The following ICA1L variants were observed in gnomAD, a reference collection of about 807,000 sequenced individuals.
ICA1L encodes the protein islet cell autoantigen 1 like, also known as islet cell autoantigen 1-like protein.
In ICA1L, 50 loss-of-function variants were observed where a neutral mutation model predicts 61.3. The observed-to-expected ratio is 0.82, with a 90% confidence interval of 0.65 to 1.03. ICA1L has a LOEUF of 1.03. Ranked by LOEUF, ICA1L falls within the 50% of genes least tolerant of loss-of-function variation. The pLI is 0.00. For missense variants in ICA1L, 508 were observed against 556.7 expected, an observed-to-expected ratio of 0.91 and a Z score of 0.88; for synonymous variants, 161 against 191.3, an observed-to-expected ratio of 0.84 and a Z score of 1.31.
chr2:202,779,289 T>C lies in ICA1L; in HGVS notation c.*244A>G, dbSNP rs977955570. 1.1e-5 allele frequency: 4 copies of C among 380,194 alleles called. No individual in the cohort carries two copies. Among genetic ancestry groups the C allele is most frequent in the African/African-American group, 4.1e-5 (2 of 48,254 alleles). 23.6% of individuals were successfully genotyped at this position (380,194 alleles called of 1,614,324 possible). On this transcript the variant is annotated 3_prime_UTR_variant, in exon 13 of 13. Coordinates refer to ENST00000358299, the MANE Select transcript of ICA1L (RefSeq NM_001288622.3). ...TAAATATCGCAAACTCTGTAGTTTC[T>C]AATATTTTCCACATAGAAGTTTCTA...
intron 1 of ICA1L, among the ~76,000 whole-genome samples, chr2:202,845,013 T>C (rs1276086424): frequency 2.6e-5 from 4 of 152,184 alleles, no homozygotes; most frequent in African/African-American, 7.2e-5. Context: ...CAGCATAGCA[T>C]CTTCTAATCT....
Position 202,798,555 on chromosome 2 carries a change from C to T in ICA1L, c.911-1591G>A, listed in dbSNP as rs190213944. Among the ~76,000 whole-genome samples, 63 of 152,232 alleles carry T rather than the reference C, an allele frequency of 4.1e-4. No homozygotes were observed. The East Asian group carries it at 0.012, about 28-fold the overall frequency. On this transcript the variant is annotated intron_variant, in intron 9 of 12. Transcript: ENST00000358299. ...CATACCTGGACAAGGATATGGTTTACTGTTAATAATTTGTACATATTTGTG... is the reference window on the plus strand; with the variant it reads ...CATACCTGGACAAGGATATGGTTTATTGTTAATAATTTGTACATATTTGTG...
intron 1 of ICA1L, chr2:202,841,278 A>G (rs1186393608): frequency 6.8e-6 from 5 of 740,400 alleles, no homozygotes; most frequent in Non-Finnish European, 1.2e-5. Flanking sequence ...CAGCCCTGGC[A>G]TGTTGCCAAG....
intron 10 of ICA1L, among the ~76,000 whole-genome samples, chr2:202,795,048 T>A (rs1692881800): frequency 6.8e-6 from 1 of 146,106 alleles, no homozygotes. Flanking sequence ...TACCAGATAC[T>A]AAAACTACAA....
At chr2:202,816,100 A>G (rs559935171) in intron 6 of ICA1L, 91 bp from the exon 7 acceptor site, 2 of 718,608 alleles carry the variant, frequency 2.8e-6, no homozygotes, top group Non-Finnish European at 4.3e-6. Flanking sequence ...GTAGATGAAC[A>G]GTTGCCAAAA....
chr2:202,786,137 A>G (rs1692571535), intron 11 of ICA1L, 130 bp from the exon 12 acceptor site: 1 of 524,252 alleles, frequency 1.9e-6, no homozygotes, highest in Admixed American at 3.6e-5. Flanking sequence ...AGAGGTATAA[A>G]ATACTGAAAA....
intron 1 of ICA1L, among the ~76,000 whole-genome samples, chr2:202,859,167 C>T (rs1468702701): frequency 1.3e-5 from 2 of 152,144 alleles, no homozygotes; most frequent in Non-Finnish European, 2.9e-5. Context: ...AAAGACAAAC[C>T]AACAAGTGAC....
At chr2:202,852,835 A>ATTT (rs1694667524) in intron 1 of ICA1L, among the ~76,000 whole-genome samples, 1 of 150,478 alleles carries the variant, frequency 6.6e-6, no homozygotes, top group Admixed American at 6.6e-5. Flanking sequence ...GAAAATGCTC[A>ATTT]TCATCACTGG....
At chr2:202,805,242 T>G (rs1418861663) in intron 9 of ICA1L, among the ~76,000 whole-genome samples, 1 of 152,158 alleles carries the variant, frequency 6.6e-6, no homozygotes, top group Non-Finnish European at 1.5e-5. Flanking sequence ...GAGAGCTTAC[T>G]GAGGGGATGA....
Position 202,774,123 on chromosome 2 carries a change from A to G in ICA1L, c.*5410T>C. ...TCAATGATTGGATAAGCTATTCTCA[A>G]CTCTTCATTAATCAATTCATTTGTT... is the stretch of plus-strand genomic sequence containing the variant. On this transcript the variant is annotated 3_prime_UTR_variant, in exon 13 of 13. Transcript: ENST00000358299. 2 of 1,338,326 alleles carry G rather than the reference A, an allele frequency of 1.5e-6. No individual in the cohort carries two copies. Among genetic ancestry groups the G allele is most frequent in the South Asian group, 2.5e-5 (2 of 78,974 alleles). 82.9% of individuals were successfully genotyped at this position (1,338,326 alleles called of 1,614,324 possible).
intron 1 of ICA1L, 130 bp downstream of exon 1, chr2:202,871,489 G>C (rs758635023): frequency 6.6e-6 from 1 of 152,072 alleles, no homozygotes; most frequent in Non-Finnish European, 1.5e-5. Flanking sequence ...CCGCGCGCGC[G>C]CGCGTGTGGC....
At chr2:202,822,980 A>T (rs1182480336) in intron 3 of ICA1L, among the ~76,000 whole-genome samples, 1 of 152,238 alleles carries the variant, frequency 6.6e-6, no homozygotes, top group African/African-American at 2.4e-5. Flanking sequence ...TGTACAGTTT[A>T]CACATTATTT....
intron 1 of ICA1L, among the ~76,000 whole-genome samples, chr2:202,833,991 A>T (rs1246096433): frequency 6.6e-6 from 1 of 152,170 alleles, no homozygotes; most frequent in African/African-American, 2.4e-5. Flanking sequence ...ATTGTACAAC[A>T]AAGGGACTAT....
At chr2:202,812,737 C>A (rs1693415049) in intron 8 of ICA1L, among the ~76,000 whole-genome samples, 1 of 151,942 alleles carries the variant, frequency 6.6e-6, no homozygotes, top group African/African-American at 2.4e-5. Flanking sequence ...ACCTACAGAG[C>A]AAATAAATAT....
chr2:202,862,272 C>CCAAAAAAAAAAAA lies in ICA1L; in HGVS notation c.-8+9346_-8+9347insTTTTTTTTTTTTG, dbSNP rs1462555700. Among the ~76,000 whole-genome samples the CCAAAAAAAAAAAA allele has an allele frequency of 6.2e-4, 39 of 62,976 alleles. 13 individuals are homozygous for CCAAAAAAAAAAAA. Among genetic ancestry groups the CCAAAAAAAAAAAA allele is most frequent in the Admixed American group, 1.3e-3 (6 of 4,458 alleles). The allele number at this position is 62,976 out of a possible 152,430, so 41.3% of individuals were successfully genotyped here. A position where few individuals can be genotyped will look rare whatever the true frequency, so the allele number is the denominator to read the frequency against. On this transcript the variant is annotated intron_variant, in intron 1 of 12. Transcript: ENST00000358299. ...GCAACACAGTAAGACCTCATTTCTA[C>CCAAAAAAAAAAAA]AAAAAAAAAAAAAAAAAAAAAAAAA...
At chr2:202,860,828 C>A (rs1559151135) in intron 1 of ICA1L, among the ~76,000 whole-genome samples, 1 of 152,088 alleles carries the variant, frequency 6.6e-6, no homozygotes, top group Non-Finnish European at 1.5e-5. Context: ...TAAAGATATA[C>A]TGCATAAACA....
At chr2:202,861,742 G>A (rs1195973680) in intron 1 of ICA1L, among the ~76,000 whole-genome samples, 1 of 151,550 alleles carries the variant, frequency 6.6e-6, no homozygotes, top group Middle Eastern at 3.2e-3. Flanking sequence ...AAAATTAGCT[G>A]GGTGTGGTGG....
chr2:202,785,046 T>C (rs1056975595), intron 12 of ICA1L, among the ~76,000 whole-genome samples: 4 of 151,722 alleles, frequency 2.6e-5, no homozygotes, highest in Non-Finnish European at 5.9e-5. Flanking sequence ...AGTGAAACCC[T>C]GTCTCTACTA....
Position 202,821,269 on chromosome 2 carries a change from G to A in ICA1L, c.359+89C>T, listed in dbSNP as rs186761269. 3 of 1,290,304 alleles carry A rather than the reference G, an allele frequency of 2.3e-6. No individual in the cohort carries two copies. In the Admixed American group the frequency reaches 6.7e-5, roughly 29 times the overall value. The allele number at this position is 1,290,304 out of a possible 1,614,324, so 79.9% of individuals were successfully genotyped here. On this transcript the variant is annotated intron_variant, in intron 4 of 12. Transcript: ENST00000358299. ...CTTTAACCCTTTATTAGAATGAACAGTGACCTTTACAAATATGCAAATTTA... is the reference window on the plus strand; with the variant it reads ...CTTTAACCCTTTATTAGAATGAACAATGACCTTTACAAATATGCAAATTTA...
Sources: gnomAD v4.1 joint callset for allele counts (sites outside exome capture counted in the v4.1 genomes callset) on GRCh38, gnomAD v4.1.1 for gene constraint, MANE v1.5 for transcripts, NCBI Gene and HGNC (gene_info 2026-07-23, HGNC 2026-07-21) for gene names.